DOCK7: variants seen among roughly 807,000 people sequenced by gnomAD.
The protein encoded by DOCK7 is dedicator of cytokinesis 7, also known as dedicator of cytokinesis protein 7.
DOCK7 carries 138 observed loss-of-function variants against 271.0 expected under a neutral mutation model. The ratio of observed to expected loss-of-function variants is 0.51; its 90% CI spans 0.44 to 0.59. The LOEUF (loss-of-function observed/expected upper bound fraction) is 0.59. DOCK7 is among the 20% of genes least tolerant of loss of function. The pLI is 0.00. For synonymous variants in DOCK7, 823 were observed against 876.1 expected (o/e 0.94, Z 1.07); for missense variants, 2,066 against 2,592.4 (o/e 0.80, Z 4.41).
intron 31 of DOCK7, 81 bp downstream of exon 31, chr1:62,528,070 T>A (rs1413033409): frequency 7.2e-7 from 1 of 1,383,192 alleles, no homozygotes; most frequent in Non-Finnish European, 9.6e-7. Context: ...GCTGATACAA[T>A]CATCTCATAT....
At chr1:62,561,186 C>A (rs1380504580) in intron 19 of DOCK7, among the ~76,000 whole-genome samples, 5 of 152,136 alleles carry the variant, frequency 3.3e-5, no homozygotes, top group Admixed American at 2.6e-4. Context: ...GGAGGAAAAG[C>A]ATTCCAGGCA....
At position 62,455,443 on chromosome 1, in the gene DOCK7, G is replaced by T. The variant is rs756798144; in HGVS notation, c.6394C>A (p.Arg2132=). 19 of 1,613,386 alleles carry T rather than the reference G, an allele frequency of 1.2e-5. No homozygotes were observed. Among genetic ancestry groups the T allele is most frequent in the Non-Finnish European group, 1.6e-5 (19 of 1,179,772 alleles). ...PVTCHRDSFS[R]MSLRKMDL ...AGATCCATTTTGCGAAGGCTCATTC[G>T]ACTGAAGGAATCTCTGGGAAAAAAA... is the stretch of plus-strand genomic sequence containing the variant. Residue 2132 remains arginine, a synonymous_variant, in exon 50 of 50, where the codon CGA becomes AGA. Transcript: ENST00000635253.
chr1:62,475,193 G>A lies in DOCK7; in HGVS notation c.6105+15C>T, dbSNP rs369433570. The A allele has an allele frequency of 2.5e-6, 4 of 1,608,712 alleles. No homozygotes were observed. Among genetic ancestry groups the A allele is most frequent in the Non-Finnish European group, 3.4e-6 (4 of 1,177,968 alleles). Reference sequence around the variant, plus strand: ...TTACAGCTTAAATCACACAGTGCTAGCAAAAAGCACTAACCTGATTCACTG... The same window carrying A: ...TTACAGCTTAAATCACACAGTGCTAACAAAAAGCACTAACCTGATTCACTG... On this transcript the variant is annotated intron_variant, in intron 47 of 49. Transcript: ENST00000635253.
intron 33 of DOCK7, chr1:62,510,972 T>C (rs1165812086): frequency 3.9e-6 from 1 of 259,228 alleles, no homozygotes; most frequent in African/African-American, 2.3e-5. Context: ...CCTTACATGA[T>C]ATGACTTTAT....
chr1:62,557,306 C>G (rs542061063), intron 20 of DOCK7, among the ~76,000 whole-genome samples: 23 of 150,618 alleles, frequency 1.5e-4, no homozygotes, highest in South Asian at 1.5e-3. Context: ...TATCTATCAC[C>G]TTTACTCTTG....
At chr1:62,507,806 T>A (rs1646986474) in intron 35 of DOCK7, among the ~76,000 whole-genome samples, 156 bp downstream of exon 35, 1 of 152,210 alleles carries the variant, frequency 6.6e-6, no homozygotes, top group South Asian at 2.1e-4. Flanking sequence ...CTATGGGAAT[T>A]TATAATTACA....
At chr1:62,517,432 T>C (rs951512651) in intron 31 of DOCK7, among the ~76,000 whole-genome samples, 5 of 151,870 alleles carry the variant, frequency 3.3e-5, no homozygotes, top group Non-Finnish European at 7.4e-5. Flanking sequence ...CCCGTCTCTA[T>C]TAAAAATACA....
intron 7 of DOCK7, among the ~76,000 whole-genome samples, chr1:62,637,692 C>A (rs1041241997): frequency 2.6e-5 from 4 of 152,146 alleles, no homozygotes; most frequent in Non-Finnish European, 5.9e-5. Flanking sequence ...AATAAAGGGA[C>A]ATTTACAAGG....
At position 62,593,964 on chromosome 1, in the gene DOCK7, G is replaced by A. The variant is rs1031456514; in HGVS notation, c.1683-7340C>T. Among the ~76,000 whole-genome samples, 9 of 152,258 alleles carry A rather than the reference G, an allele frequency of 5.9e-5. No homozygotes were observed. The South Asian group carries it at 1.9e-3, about 32-fold the overall frequency. Reference sequence around the variant, plus strand: ...CATAAGATTACACAACCTCGTGTAGGATAAAGGACTTTGCTTTGCTTGGAA... The same window carrying A: ...CATAAGATTACACAACCTCGTGTAGAATAAAGGACTTTGCTTTGCTTGGAA... On this transcript the variant is annotated intron_variant, in intron 14 of 49. Transcript: ENST00000635253.
At chr1:62,571,768 T>C (rs1309140037) in intron 18 of DOCK7, among the ~76,000 whole-genome samples, 2 of 152,166 alleles carry the variant, frequency 1.3e-5, no homozygotes, top group African/African-American at 4.8e-5. Context: ...TGGATGGAGC[T>C]GGAAGCCATT....
intron 18 of DOCK7, among the ~76,000 whole-genome samples, chr1:62,572,642 G>A (rs1646821037): frequency 6.6e-6 from 1 of 152,166 alleles, no homozygotes; most frequent in African/African-American, 2.4e-5. Context: ...TGGGGGAGAG[G>A]GGATGTCAAG....
chr1:62,669,354 G>A (rs930127988), intron 1 of DOCK7, among the ~76,000 whole-genome samples: 4 of 152,220 alleles, frequency 2.6e-5, no homozygotes, highest in African/African-American at 9.7e-5. Context: ...CAACCCATAA[G>A]TATAAAAGTA....
At chr1:62,541,598 A>G (rs981556813) in intron 25 of DOCK7, among the ~76,000 whole-genome samples, 3 of 152,132 alleles carry the variant, frequency 2.0e-5, no homozygotes, top group Admixed American at 6.6e-5. Context: ...TCTTAATAAC[A>G]TTTTCTTTTC....
rs1439595500 is a variant in DOCK7, at chr1:62,553,338, ATATATATATATATATATTTTTTTTTTTTT to A, written c.2597-466_2597-438del. Among the ~76,000 whole-genome samples, 7 of 5,040 alleles carry A rather than the reference ATATATATATATATATATTTTTTTTTTTTT, an allele frequency of 1.4e-3. 1 individual carries two copies. The highest frequency in any genetic ancestry group is 2.5e-3 in the African/African-American group (5 of 2,012). 3.3% of individuals were successfully genotyped at this position (5,040 alleles called of 152,430 possible). A position where few individuals can be genotyped will look rare whatever the true frequency, so the allele number is the denominator to read the frequency against. ...TATATATATATATATATATATATAT[ATATATATATATATATATTTTTTTTTTTTT>A]TTTTTTTTTTTTTTTTTTAATAGGC... On this transcript the variant is annotated intron_variant, in intron 21 of 49. Coordinates refer to ENST00000635253, the MANE Select transcript of DOCK7 (RefSeq NM_001367561.1).
intron 48 of DOCK7, among the ~76,000 whole-genome samples, chr1:62,464,259 C>T (rs1645612083): frequency 6.6e-6 from 1 of 151,432 alleles, no homozygotes; most frequent in African/African-American, 2.4e-5. Context: ...TGGGGTTTTG[C>T]CATGTTGGCC....
intron 16 of DOCK7, among the ~76,000 whole-genome samples, chr1:62,582,054 G>A (rs1482462454): frequency 6.6e-6 from 1 of 152,074 alleles, no homozygotes; most frequent in Non-Finnish European, 1.5e-5. Context: ...ACAGGGAGTA[G>A]GCCATCACTC....
chr1:62,607,080 C>A (rs1348746210), intron 14 of DOCK7, among the ~76,000 whole-genome samples: 1 of 152,072 alleles, frequency 6.6e-6, no homozygotes. Flanking sequence ...GTGGCATGTG[C>A]CTACAGTCCC....
At chr1:62,531,876 G>A (rs528669414) in intron 29 of DOCK7, among the ~76,000 whole-genome samples, 5 of 152,286 alleles carry the variant, frequency 3.3e-5, no homozygotes, top group African/African-American at 1.2e-4. Flanking sequence ...TAATACTAAG[G>A]CACTGGGAAT....
At chr1:62,636,218 C>G (rs1214857221) in intron 8 of DOCK7, among the ~76,000 whole-genome samples, 1 of 152,178 alleles carries the variant, frequency 6.6e-6, no homozygotes, top group East Asian at 1.9e-4. Flanking sequence ...AAAATCATGT[C>G]AATAAAAATT....
Sources: allele counts gnomAD v4.1 joint callset (sites outside exome capture counted in the v4.1 genomes callset), GRCh38; gene constraint gnomAD v4.1.1; transcripts MANE v1.5; gene names NCBI Gene and HGNC (gene_info 2026-07-23, HGNC 2026-07-21).